The following UBE2D2 variants were observed in gnomAD, a reference collection of about 807,000 sequenced individuals.
UBE2D2 encodes ubiquitin-conjugating enzyme E2 D2.
Under a neutral mutation model 24.2 loss-of-function variants are expected in UBE2D2, and 2 were observed. That is an observed-to-expected ratio of 0.08 (90% confidence interval 0.03 to 0.26). The LOEUF (loss-of-function observed/expected upper bound fraction) is 0.26. Ranked by LOEUF, UBE2D2 falls within the 10% of genes least tolerant of loss-of-function variation. UBE2D2 has a pLI of 1.00. For synonymous variants in UBE2D2, 58 were observed against 56.5 expected, an observed-to-expected ratio of 1.03 and a Z score of -0.12; for missense variants, 44 against 177.6, an observed-to-expected ratio of 0.25 and a Z score of 4.28.
At chr5:139,548,193 A>AAAAAAAAAAAAATAATAAAT in intron 1 of UBE2D2, among the ~76,000 whole-genome samples, 1 of 47,104 alleles carries the variant, frequency 2.1e-5, no homozygotes, top group Non-Finnish European at 3.8e-5. Context: ...ATAAAAAAAA[A>AAAAAAAAAAAAATAATAAAT]AAATAAATAA....
intron 1 of UBE2D2, among the ~76,000 whole-genome samples, chr5:139,581,526 C>T (rs1001185994): frequency 1.3e-5 from 2 of 151,400 alleles, no homozygotes; most frequent in African/African-American, 4.9e-5. Context: ...TGAATTTTTT[C>T]GGATTTTGGA....
intron 1 of UBE2D2, among the ~76,000 whole-genome samples, chr5:139,551,353 G>GA (rs757633348): frequency 1.5e-4 from 22 of 150,528 alleles, no homozygotes; most frequent in Admixed American, 1.1e-3. Flanking sequence ...CCATCTCAAA[G>GA]AAAAAAAAAG....
chr5:139,532,484 T>G (rs575803685), intron 1 of UBE2D2, among the ~76,000 whole-genome samples: 2 of 152,194 alleles, frequency 1.3e-5, no homozygotes, highest in African/African-American at 4.8e-5. Flanking sequence ...CCCGAGTAGC[T>G]GGGACTACAG....
chr5:139,581,039 C>CT (rs1271913831), intron 1 of UBE2D2, among the ~76,000 whole-genome samples: 1 of 152,096 alleles, frequency 6.6e-6, no homozygotes, highest in African/African-American at 2.4e-5. Context: ...GGGAAGGTCT[C>CT]TAAGGGCAAT....
intron 1 of UBE2D2, among the ~76,000 whole-genome samples, chr5:139,569,052 A>G (rs142908969): frequency 2.9e-3 from 447 of 152,310 alleles, no homozygotes; most frequent in Non-Finnish European, 4.2e-3. Context: ...TTGAATTCCT[A>G]TCAAAATGAT....
At chr5:139,611,997 C>T (rs1754331552) in intron 2 of UBE2D2, 1 of 150,238 alleles carries the variant, frequency 6.7e-6, no homozygotes, top group Admixed American at 6.7e-5. Flanking sequence ...AAATGTTTCC[C>T]AATCTTAAGC....
chr5:139,618,888 A>T (rs1277973671), intron 5 of UBE2D2, among the ~76,000 whole-genome samples: 2 of 152,202 alleles, frequency 1.3e-5, no homozygotes, highest in Non-Finnish European at 2.9e-5. Context: ...TTAATCCTGT[A>T]TATGATATTA....
Position 139,540,737 on chromosome 5 carries a change from T to C in UBE2D2, c.-64+14125T>C, listed in dbSNP as rs796871774. On this transcript the variant is annotated intron_variant, in intron 1 of 6. Coordinates refer to the UBE2D2 transcript ENST00000511725. ...CAGGCACGGTGGTTCATGCCTGTAATGCCAGCACTTTGGGAGGCCAAGGTG... is the reference window on the plus strand; with the variant it reads ...CAGGCACGGTGGTTCATGCCTGTAACGCCAGCACTTTGGGAGGCCAAGGTG... Among the ~76,000 whole-genome samples the C allele has an allele frequency of 2.7e-4, 41 of 152,300 alleles. 1 individual carries two copies. The highest frequency in any genetic ancestry group is 9.1e-4 in the African/African-American group (38 of 41,552).
chr5:139,546,692 G>A (rs1201004226), intron 1 of UBE2D2, among the ~76,000 whole-genome samples: 1 of 150,420 alleles, frequency 6.6e-6, no homozygotes, highest in Non-Finnish European at 1.5e-5. Context: ...CACCATGTTT[G>A]CCAGACTGGT....
chr5:139,591,659 A>G (rs1334371889), intron 1 of UBE2D2, among the ~76,000 whole-genome samples: 1 of 152,198 alleles, frequency 6.6e-6, no homozygotes, highest in East Asian at 1.9e-4. Context: ...AGATGATTTG[A>G]TTTGTCAAAT....
At chr5:139,589,050 C>G (rs1753789210) in intron 1 of UBE2D2, among the ~76,000 whole-genome samples, 1 of 152,138 alleles carries the variant, frequency 6.6e-6, no homozygotes, top group South Asian at 2.1e-4. Context: ...CTTGGCCTCC[C>G]AAAGTGCTGA....
chr5:139,545,457 C>T (rs533558091), intron 1 of UBE2D2, among the ~76,000 whole-genome samples: 2 of 148,154 alleles, frequency 1.3e-5, no homozygotes, highest in African/African-American at 2.5e-5. Flanking sequence ...GGTGGAGTCT[C>T]GCTCTGTTGC....
In UBE2D2 at chr5:139,625,276, G is replaced by GTT. The variant is rs535886136; in HGVS notation, c.399-1462_399-1461dup. 4.3e-3 allele frequency among the ~76,000 whole-genome samples: 365 copies of GTT among 84,988 alleles called. 27 individuals are homozygous for GTT. Among genetic ancestry groups the GTT allele is most frequent in the Middle Eastern group, 0.015 (2 of 134 alleles). 55.8% of individuals were successfully genotyped at this position (84,988 alleles called of 152,430 possible). ...ACATGCCACTACACCTGGCTAATTT[G>GTT]TTTTTTTTTTTTTTTTTTTGTAGAG... On this transcript the variant is annotated intron_variant, in intron 6 of 6. Transcript: ENST00000398733.
intron 1 of UBE2D2, among the ~76,000 whole-genome samples, chr5:139,583,998 T>C (rs1441408403): frequency 6.6e-6 from 1 of 152,174 alleles, no homozygotes; most frequent in East Asian, 1.9e-4. Flanking sequence ...ATAATAAGTT[T>C]ATTATAGCCT....
chr5:139,609,261 G>A (rs774085848), intron 2 of UBE2D2, among the ~76,000 whole-genome samples: 2 of 151,992 alleles, frequency 1.3e-5, no homozygotes, highest in Non-Finnish European at 2.9e-5. Context: ...TTTATATTTT[G>A]TCTGGGTGTG....
chr5:139,623,670 T>C, intron 6 of UBE2D2: 2 of 421,344 alleles, frequency 4.7e-6, no homozygotes, highest in East Asian at 3.5e-5. Context: ...ACGTGACTCC[T>C]CTTGTCTACA....
At chr5:139,581,186 C>A (rs995622930) in intron 1 of UBE2D2, among the ~76,000 whole-genome samples, 2 of 152,072 alleles carry the variant, frequency 1.3e-5, no homozygotes, top group African/African-American at 4.8e-5. Flanking sequence ...TGGTGGCTCA[C>A]GCCTGTAATC....
chr5:139,607,432 G>A (rs1483717554), intron 2 of UBE2D2, among the ~76,000 whole-genome samples: 1 of 152,110 alleles, frequency 6.6e-6, no homozygotes, highest in East Asian at 1.9e-4. Flanking sequence ...TGCTGCATTA[G>A]TAATTTTCTT....
chr5:139,621,241 T>C (rs964846744), intron 5 of UBE2D2, among the ~76,000 whole-genome samples: 1 of 152,232 alleles, frequency 6.6e-6, no homozygotes, highest in Non-Finnish European at 1.5e-5. Flanking sequence ...AGACCCTGTC[T>C]CTAAATAAAT....
Sources: allele counts gnomAD v4.1 joint callset (sites outside exome capture counted in the v4.1 genomes callset), GRCh38; gene constraint gnomAD v4.1.1; transcripts MANE v1.5; gene names NCBI Gene and HGNC (gene_info 2026-07-23, HGNC 2026-07-21).